NEXN: variants seen among roughly 807,000 people sequenced by gnomAD.
NEXN encodes the protein nexilin.
NEXN carries 65 observed loss-of-function variants against 92.6 expected under a neutral mutation model. The ratio of observed to expected loss-of-function variants is 0.70; its 90% confidence interval spans 0.57 to 0.86. The LOEUF is 0.86. Ranked by LOEUF, NEXN falls within the 40% of genes least tolerant of loss-of-function variation. NEXN has a pLI of 0.00. For missense variants in NEXN, 778 were observed against 771.1 expected (o/e 1.01, Z -0.11); for synonymous variants, 254 against 242.5 (o/e 1.05, Z -0.44).
At chr1:77,914,767 G>T (rs1648833948) in intron 1 of NEXN, among the ~76,000 whole-genome samples, 1 of 150,954 alleles carries the variant, frequency 6.6e-6, no homozygotes, top group Admixed American at 6.6e-5. Context: ...TGAGGCAGGA[G>T]AATCGCTTGA....
chr1:77,926,918 AATTAAT>A, intron 8 of NEXN, 26 bp downstream of exon 8: 1 of 1,613,158 alleles, frequency 6.2e-7, no homozygotes, highest in South Asian at 1.1e-5. Context: ...TAAACCTTAC[AATTAAT>A]ATTAATGAAG....
chr1:77,901,934 A>G (rs1430740817), intron 1 of NEXN, among the ~76,000 whole-genome samples: 1 of 152,146 alleles, frequency 6.6e-6, no homozygotes, highest in East Asian at 1.9e-4. Context: ...ACACTTTCAG[A>G]TGTTACCTAA....
intron 9 of NEXN, among the ~76,000 whole-genome samples, chr1:77,930,621 C>G (rs2102137271): frequency 6.6e-6 from 1 of 152,210 alleles, no homozygotes; most frequent in East Asian, 1.9e-4. Context: ...TTGTATATTG[C>G]TCTCGTTTCA....
At chr1:77,936,588 A>G (rs1650789793) in intron 11 of NEXN, among the ~76,000 whole-genome samples, 1 of 152,220 alleles carries the variant, frequency 6.6e-6, no homozygotes. Flanking sequence ...TTCGGTGTGG[A>G]AGAGCCTAAA....
chr1:77,917,935 C>A, intron 3 of NEXN, 25 bp from the exon 4 acceptor site: 2 of 1,586,242 alleles, frequency 1.3e-6, no homozygotes, highest in South Asian at 2.2e-5. Context: ...GACATGTGCT[C>A]ACATTAATTT....
At chr1:77,895,410 T>C (rs1647212297) in intron 1 of NEXN, among the ~76,000 whole-genome samples, 1 of 152,164 alleles carries the variant, frequency 6.6e-6, no homozygotes, top group Non-Finnish European at 1.5e-5. Context: ...TAAAGTTACA[T>C]TATACCTAAG....
chr1:77,893,641 T>C (rs1647156515), intron 1 of NEXN, among the ~76,000 whole-genome samples: 1 of 152,174 alleles, frequency 6.6e-6, no homozygotes, highest in African/African-American at 2.4e-5. Context: ...TTGTACTATG[T>C]CCTAGGTGTT....
chr1:77,903,761 C>CA (rs141983458), intron 1 of NEXN, among the ~76,000 whole-genome samples: 4,573 of 151,980 alleles, frequency 0.03, 245 homozygotes, highest in African/African-American at 0.11. Flanking sequence ...CCTGTTTCTA[C>CA]AAAAAATACA....
At chr1:77,940,793 A>G (rs1651234760) in intron 11 of NEXN, among the ~76,000 whole-genome samples, 3 of 152,138 alleles carry the variant, frequency 2.0e-5, no homozygotes, top group Admixed American at 2.0e-4. Flanking sequence ...TTAGTCTTTT[A>G]TGTATAATAA....
chr1:77,939,473 T>A (rs1289071083), intron 11 of NEXN, among the ~76,000 whole-genome samples: 3 of 152,242 alleles, frequency 2.0e-5, no homozygotes, highest in African/African-American at 7.2e-5. Context: ...AACATCAGCC[T>A]TTATAGGTGT....
At chr1:77,928,216 C>A (rs1332451481) in intron 8 of NEXN, among the ~76,000 whole-genome samples, 1 of 150,518 alleles carries the variant, frequency 6.6e-6, no homozygotes, top group African/African-American at 2.4e-5. Flanking sequence ...GGTGCTGAGG[C>A]GAGAGGATTG....
At chr1:77,939,008 A>G (rs1651028133) in intron 11 of NEXN, among the ~76,000 whole-genome samples, 1 of 152,204 alleles carries the variant, frequency 6.6e-6, no homozygotes, top group South Asian at 2.1e-4. Flanking sequence ...AGAGTAATAA[A>G]ATATTTATGT....
intron 1 of NEXN, among the ~76,000 whole-genome samples, chr1:77,899,460 A>AGTGAACAATGAGTGT (rs1553233864): frequency 6.6e-6 from 1 of 152,126 alleles, no homozygotes; most frequent in African/African-American, 2.4e-5. Flanking sequence ...TTGAACAATG[A>AGTGAACAATGAGTGT]GAACACATGG....
At chr1:77,910,748 C>CAAAAAA (rs751080251) in intron 1 of NEXN, among the ~76,000 whole-genome samples, 1 of 42,884 alleles carries the variant, frequency 2.3e-5, no homozygotes, top group Non-Finnish European at 5.3e-5. Flanking sequence ...GAGACTGTCT[C>CAAAAAA]AAAAAAAAAA....
chr1:77,916,470 T>C (rs954502248), intron 2 of NEXN, among the ~76,000 whole-genome samples: 15 of 152,300 alleles, frequency 9.8e-5, no homozygotes, highest in Admixed American at 9.8e-4. Flanking sequence ...AAGTTTGACC[T>C]ATACTCATAG....
chr1:77,941,507 TCTAC>T (rs965339949), intron 11 of NEXN, among the ~76,000 whole-genome samples: 6 of 152,130 alleles, frequency 3.9e-5, no homozygotes, highest in East Asian at 3.9e-4. Context: ...AACAGTTGTC[TCTAC>T]CTGTTTTTCT....
At chr1:77,893,301 G>C (rs945181068) in intron 1 of NEXN, among the ~76,000 whole-genome samples, 3 of 152,074 alleles carry the variant, frequency 2.0e-5, no homozygotes, top group Non-Finnish European at 1.5e-5. Flanking sequence ...TGGAGCCAGA[G>C]ATCCAGGTCT....
intron 1 of NEXN, among the ~76,000 whole-genome samples, chr1:77,889,930 CG>C (rs1302789470): frequency 6.6e-6 from 1 of 152,086 alleles, no homozygotes; most frequent in East Asian, 1.9e-4. Context: ...CTTAGTCACA[CG>C]TTATTTATAT....
chr1:77,927,136 A>G (rs1188332045), intron 8 of NEXN, among the ~76,000 whole-genome samples: 1 of 152,096 alleles, frequency 6.6e-6, no homozygotes, highest in African/African-American at 2.4e-5. Context: ...AGCCTGGCCA[A>G]CACTGTGAAA....
Sources: allele counts gnomAD v4.1 joint callset (sites outside exome capture counted in the v4.1 genomes callset), GRCh38; gene constraint gnomAD v4.1.1; transcripts MANE v1.5; gene names NCBI Gene and HGNC (gene_info 2026-07-23, HGNC 2026-07-21).